TATDN2: variants seen among roughly 807,000 people sequenced by gnomAD.
TATDN2 encodes the protein TatD DNase domain containing 2.
TATDN2 carries 44 observed loss-of-function variants against 60.3 expected under a neutral mutation model. The ratio of observed to expected loss-of-function variants is 0.73; its 90% confidence interval spans 0.57 to 0.94. The LOEUF (loss-of-function observed/expected upper bound fraction) is 0.94. TATDN2 is among the 40% of genes least tolerant of loss of function. The pLI is 0.00. For synonymous variants in TATDN2, 399 were observed against 355.8 expected, an observed-to-expected ratio of 1.12 and a Z score of -1.37; for missense variants, 997 against 948.0, an observed-to-expected ratio of 1.05 and a Z score of -0.68.
In TATDN2 at chr3:10,270,429, T is replaced by C. The variant is rs61730105; in HGVS notation, c.1247T>C (p.Met416Thr). The C allele has an allele frequency of 5.9e-3, 9,519 of 1,614,126 alleles. 465 individuals carry two copies. The African/African-American group carries it at 0.11, about 18-fold the overall frequency. Residue 416 changes from methionine (M) to threonine (T), a missense_variant, in exon 4 of 8, where the codon ATG becomes ACG. Coordinates refer to ENST00000448281, the MANE Select transcript of TATDN2 (RefSeq NM_014760.4). The stretch of plus-strand genomic sequence containing the variant: ...GTTGGGAAGAGCAGCCGGAGCCGCA[T>C]GAGTGATTATTCCCCCAACTCTACA... ...AQVGKSSRSR[M>T]SDYSPNSTGS...
At chr3:10,271,335 G>T (rs1426730854) in intron 4 of TATDN2, among the ~76,000 whole-genome samples, 2 of 152,156 alleles carry the variant, frequency 1.3e-5, no homozygotes, top group East Asian at 3.9e-4. Context: ...TTTTTGAGAG[G>T]GAGTCTTGCT....
chr3:10,262,536 T>C (rs1026677320), intron 3 of TATDN2, among the ~76,000 whole-genome samples: 2 of 136,978 alleles, frequency 1.5e-5, no homozygotes, highest in African/African-American at 5.5e-5. Flanking sequence ...GCTTTTTTTT[T>C]TTTTTTTTTT....
intron 2 of TATDN2, among the ~76,000 whole-genome samples, chr3:10,249,839 G>C (rs909505042): frequency 6.6e-6 from 1 of 152,194 alleles, no homozygotes; most frequent in Non-Finnish European, 1.5e-5. Flanking sequence ...CAGCACTTTG[G>C]AACTACTTGG....
At chr3:10,250,964 C>T (rs1220706727) in intron 2 of TATDN2, among the ~76,000 whole-genome samples, 1 of 152,192 alleles carries the variant, frequency 6.6e-6, no homozygotes, top group African/African-American at 2.4e-5. Context: ...ATTTACTTTA[C>T]ATAGTCTTTC....
chr3:10,250,234 G>A (rs115948784), intron 2 of TATDN2, among the ~76,000 whole-genome samples: 84 of 142,188 alleles, frequency 5.9e-4, no homozygotes, highest in African/African-American at 2.2e-3. Context: ...ACATGCAAGA[G>A]GGTTTCATAA....
In TATDN2 at chr3:10,266,498, A is replaced by G. The variant is rs866917754; in HGVS notation, c.949-3633A>G. 1.2e-4 allele frequency among the ~76,000 whole-genome samples: 18 copies of G among 152,378 alleles called. No individual in the cohort carries two copies. The Middle Eastern group carries it at 0.014, about 115-fold the overall frequency. ...AAATCCTGGCCCTGCCACTCGAATT[A>G]GGATCTTGAGAAAGTCAGCCTCTTT... On this transcript the variant is annotated intron_variant, in intron 3 of 7. Transcript: ENST00000448281.
At chr3:10,251,577 G>A (rs1698232799) in intron 2 of TATDN2, among the ~76,000 whole-genome samples, 1 of 151,960 alleles carries the variant, frequency 6.6e-6, no homozygotes, top group Non-Finnish European at 1.5e-5. Context: ...GTGGAGATGG[G>A]GTTTCGCCTT....
chr3:10,270,748 C>T lies in TATDN2; in HGVS notation c.1566C>T (p.Tyr522=), dbSNP rs1451567198. The change falls in exon 4 of 8, where the codon TAC becomes TAT. Residue 522 remains tyrosine, a synonymous_variant. Coordinates refer to ENST00000448281, the MANE Select transcript of TATDN2 (RefSeq NM_014760.4). ...QGTFTKFRKI[Y]SSSFPKEFQG... Reference sequence around the variant, plus strand: ...CCTTTACAAAGTTCAGAAAAATTTACAGCAGCTCCTTCCCTAAGGAATTTC... The same window carrying T: ...CCTTTACAAAGTTCAGAAAAATTTATAGCAGCTCCTTCCCTAAGGAATTTC... 2.5e-6 allele frequency: 4 copies of T among 1,614,168 alleles called. No individual in the cohort carries two copies. In the Admixed American group the frequency reaches 6.7e-5, roughly 27 times the overall value.
chr3:10,267,422 A>G (rs17032600), intron 3 of TATDN2, among the ~76,000 whole-genome samples: 1 of 151,818 alleles, frequency 6.6e-6, no homozygotes, highest in Non-Finnish European at 1.5e-5. Flanking sequence ...TTACTTTGAC[A>G]TTTTCCTATC....
intron 4 of TATDN2, 90 bp from the exon 5 acceptor site, chr3:10,276,270 CA>C (rs756478754): frequency 6.7e-7 from 1 of 1,491,134 alleles, no homozygotes; most frequent in Non-Finnish European, 9.0e-7. Context: ...AAGAGAGACA[CA>C]GGGGGTGCCT....
chr3:10,249,573 G>T lies in TATDN2; in HGVS notation c.373G>T (p.Glu125Ter). 1 of 1,544,644 alleles carries T rather than the reference G, an allele frequency of 6.5e-7. No homozygotes were observed. The highest frequency in any genetic ancestry group is 1.2e-5 in the South Asian group (1 of 80,260). ...SPLRPANASLEEMASLEEEAC... is the reference protein window; with the variant it reads ...SPLRPANASL ...TCTGCGTCCTGCCAACGCCTCTTTG[G>T]AAGAAATGGCTTCTCTAGAGGAGGA... Residue 125 changes from glutamate to a stop codon, truncating the protein, a stop_gained, in exon 2 of 8, where the codon GAA becomes TAA. Coordinates refer to ENST00000448281, the MANE Select transcript of TATDN2 (RefSeq NM_014760.4). LOFTEE classifies it high-confidence loss of function.
intron 2 of TATDN2, among the ~76,000 whole-genome samples, chr3:10,250,353 A>G (rs1240322201): frequency 1.3e-5 from 2 of 151,968 alleles, no homozygotes; most frequent in South Asian, 2.1e-4. Context: ...GTGCCAGGCA[A>G]TGTTCTAGGT....
At chr3:10,271,399 C>T (rs932252864) in intron 4 of TATDN2, among the ~76,000 whole-genome samples, 31 of 152,160 alleles carry the variant, frequency 2.0e-4, no homozygotes, top group African/African-American at 3.6e-4. Flanking sequence ...CTGCAACCTC[C>T]GCCTCCTGGG....
chr3:10,254,841 G>T (rs902907389), intron 2 of TATDN2, among the ~76,000 whole-genome samples: 6 of 152,144 alleles, frequency 3.9e-5, no homozygotes, highest in African/African-American at 9.7e-5. Flanking sequence ...CAGGTGGTTT[G>T]TCTCTTACCT....
At position 10,251,646 on chromosome 3, in the gene TATDN2, A is replaced by G. The variant is rs192765902; in HGVS notation, c.414+2032A>G. On this transcript the variant is annotated intron_variant, in intron 2 of 7. Transcript: ENST00000448281. Reference sequence around the variant, plus strand: ...AGTGATCTGACCGCCTCAGCCTCCCAAAGTGCTGGGATTACAGGTGTGAGC... The same window carrying G: ...AGTGATCTGACCGCCTCAGCCTCCCGAAGTGCTGGGATTACAGGTGTGAGC... Among the ~76,000 whole-genome samples, 801 of 152,086 alleles carry G rather than the reference A, an allele frequency of 5.3e-3. 9 individuals are homozygous for G. Among genetic ancestry groups the G allele is most frequent in the African/African-American group, 0.018 (758 of 41,502 alleles).
In TATDN2 at chr3:10,260,200, C is replaced by T; in HGVS notation, c.478C>T (p.Gln160Ter). The T allele has an allele frequency of 6.2e-7, 1 of 1,613,946 alleles. No homozygotes were observed. The highest frequency in any genetic ancestry group is 8.5e-7 in the Non-Finnish European group (1 of 1,179,990). The change falls in exon 3 of 8, where the codon CAG becomes TAG. Residue 160 changes from glutamine to a stop codon, truncating the protein, a stop_gained. Coordinates refer to ENST00000448281, the MANE Select transcript of TATDN2 (RefSeq NM_014760.4). LOFTEE classifies it high-confidence loss of function. ...TGAATTTGCAGCTGAAGCTGAGGGT[C>T]AGAATGATACAATTGAGGAACCCAA... Reference protein sequence around the residue: ...NSEFAAEAEGQNDTIEEPNKV... With the variant: ...NSEFAAEAEG
At chr3:10,274,989 A>ATTTTT (rs34892858) in intron 4 of TATDN2, among the ~76,000 whole-genome samples, 1 of 136,268 alleles carries the variant, frequency 7.3e-6, no homozygotes, top group East Asian at 2.1e-4. Context: ...TAATGAATTA[A>ATTTTT]TTTTTTTTTT....
chr3:10,262,695 C>T (rs1698424403), intron 3 of TATDN2, among the ~76,000 whole-genome samples: 1 of 151,770 alleles, frequency 6.6e-6, no homozygotes, highest in South Asian at 2.1e-4. Context: ...GCCACCACAC[C>T]TGGCTAATTT....
In TATDN2 at chr3:10,278,751, G is replaced by A. The variant is rs1698675196; in HGVS notation, c.2146-134G>A. 1 of 1,352,804 alleles carries A rather than the reference G, an allele frequency of 7.4e-7. No homozygotes were observed. Among genetic ancestry groups the A allele is most frequent in the East Asian group, 2.4e-5 (1 of 41,456 alleles). 83.8% of individuals were successfully genotyped at this position (1,352,804 alleles called of 1,614,324 possible). On this transcript the variant is annotated intron_variant, in intron 6 of 7. Transcript: ENST00000448281. The surrounding 1 kb of genome is among the most constrained non-coding windows in gnomAD (Gnocchi z 4.7). ...AGCCCCCATGACTAGGACTCTCCCTGCACCTGCAGGTAAAGGGGTCTCTAC... is the reference window on the plus strand; with the variant it reads ...AGCCCCCATGACTAGGACTCTCCCTACACCTGCAGGTAAAGGGGTCTCTAC...
Sources: allele counts gnomAD v4.1 joint callset (sites outside exome capture counted in the v4.1 genomes callset), GRCh38; gene constraint gnomAD v4.1.1; non-coding constraint Gnocchi (gnomAD v3.1); transcripts MANE v1.5; gene names NCBI Gene and HGNC (gene_info 2026-07-23, HGNC 2026-07-21).